Variants in FZD4 observed in about 807,000 individuals in gnomAD.
FZD4 encodes frizzled-4.
A neutral mutation model predicts 37.3 loss-of-function variants in FZD4; 16 were observed. The observed-to-expected ratio is 0.43, with a 90% CI of 0.29 to 0.65. The LOEUF (loss-of-function observed/expected upper bound fraction) is 0.65. Among genes scored for constraint, FZD4 ranks in the 30% least tolerant of loss-of-function variants. FZD4 has a pLI of 0.16. For missense variants in FZD4, 599 were observed against 674.3 expected (o/e 0.89, Z 1.24); for synonymous variants, 246 against 254.8 (o/e 0.97, Z 0.33).
rs1949284049 is a variant in FZD4 at position 86,950,830 on chromosome 11, G to A, written c.*312C>T. On this transcript the variant is annotated 3_prime_UTR_variant, in exon 2 of 2. Transcript: ENST00000531380. Reference sequence around the variant, plus strand: ...TGCAGGGGAAAACAGTATCGCCCTGGACTTCCTGGAATCTAGGCAGGACCT... The same window carrying A: ...TGCAGGGGAAAACAGTATCGCCCTGAACTTCCTGGAATCTAGGCAGGACCT... The A allele has an allele frequency of 4.5e-6, 2 of 440,416 alleles. No homozygotes were observed. Among genetic ancestry groups the A allele is most frequent in the East Asian group, 4.7e-5 (1 of 21,476 alleles). 27.3% of individuals were successfully genotyped at this position (440,416 alleles called of 1,614,324 possible). A position where few individuals can be genotyped will look rare whatever the true frequency, so the allele number is the denominator to read the frequency against.
rs920670091 is a variant in FZD4 at position 86,950,197 on chromosome 11, G to A, written c.*945C>T. 2.0e-5 allele frequency: 3 copies of A among 152,602 alleles called. No individual in the cohort carries two copies. The highest frequency in any genetic ancestry group is 2.9e-5 in the Non-Finnish European group (2 of 68,048). The allele number at this position is 152,602 out of a possible 1,614,324, so 9.5% of individuals were successfully genotyped here. ...TTTCAGCTCTTCCAGACTGGCGTCT[G>A]CATAGATGCAATCACACAAGTAAAA... On this transcript the variant is annotated 3_prime_UTR_variant, in exon 2 of 2. Coordinates refer to ENST00000531380, the MANE Select transcript of FZD4 (RefSeq NM_012193.4).
chr11:86,952,498 C>T, intron 1 of FZD4, 28 bp from the exon 2 acceptor site: 1 of 1,603,332 alleles, frequency 6.2e-7, no homozygotes, highest in Admixed American at 1.7e-5. Flanking sequence ...TGAACACACA[C>T]AAAAAAAACA....
In FZD4 at chr11:86,955,178, C is replaced by T. The variant is rs1949326403; in HGVS notation, c.-93G>A. 3 of 1,031,784 alleles carry T rather than the reference C, an allele frequency of 2.9e-6. No homozygotes were observed. The Admixed American group carries it at 1.1e-4, about 39-fold the overall frequency. 63.9% of individuals were successfully genotyped at this position (1,031,784 alleles called of 1,614,324 possible). ...GGGCGCCGGCTGCCCGCGCTGCTCC[C>T]AGCTCCCGGGACGGGAGTGTGATGC... On this transcript the variant is annotated 5_prime_UTR_variant, in exon 1 of 2. Transcript: ENST00000531380.
intron 1 of FZD4, among the ~76,000 whole-genome samples, chr11:86,953,108 A>T (rs1173694039): frequency 6.6e-6 from 1 of 152,210 alleles, no homozygotes; most frequent in Non-Finnish European, 1.5e-5. Context: ...CAATAGGAAA[A>T]TGTAAATGTT....
rs746470330 is a variant in FZD4, at chr11:86,951,499, A to G, written c.1257T>C (p.Asn419=). 2.5e-6 allele frequency: 4 copies of G among 1,614,160 alleles called. No individual in the cohort carries two copies. In the South Asian group the frequency reaches 4.4e-5, roughly 18 times the overall value. ...GLVALFKIRS[N]LQKDGTKTDK... is the part of the protein sequence containing the mutation. The stretch of plus-strand genomic sequence containing the variant: ...CTGTCTTTGTCCCATCCTTTTGAAG[A>G]TTTGACCGAATTTTGAACAAGGCCA... Residue 419 remains asparagine, a synonymous_variant, in exon 2 of 2, where the codon AAT becomes AAC. Transcript: ENST00000531380.
At position 86,951,101 on chromosome 11, in the gene FZD4, T is replaced by TC. The variant is rs1380145975; in HGVS notation, c.*40dup. On this transcript the variant is annotated 3_prime_UTR_variant, in exon 2 of 2. Coordinates refer to ENST00000531380, the MANE Select transcript of FZD4 (RefSeq NM_012193.4). ...AGAATTTCCTCCAAAATGCTGGCAT[T>TC]CCCCCCTTCAAAATGAAGAAAGCAT... The TC allele has an allele frequency of 1.2e-6, 2 of 1,602,562 alleles. No homozygotes were observed. Among genetic ancestry groups the TC allele is most frequent in the Non-Finnish European group, 1.7e-6 (2 of 1,169,566 alleles).
Position 86,946,001 on chromosome 11 carries a change from C to T in FZD4, c.*5141G>A, listed in dbSNP as rs1322470409. 2.0e-5 allele frequency: 3 copies of T among 152,574 alleles called. No individual in the cohort carries two copies. The highest frequency in any genetic ancestry group is 2.1e-4 in the South Asian group (1 of 4,826). The allele number at this position is 152,574 out of a possible 1,614,324, so 9.5% of individuals were successfully genotyped here. ...CTGCTGCACAGAGCAGGGGAAGTCA[C>T]ATTTTATCTTTTTTTCAGATTACAT... On this transcript the variant is annotated 3_prime_UTR_variant, in exon 2 of 2. Transcript: ENST00000531380.
rs1257678365 is a variant in FZD4 at position 86,954,728 on chromosome 11, T to C, written c.285+73A>G. Reference sequence around the variant, plus strand: ...TCGGGCTAGGATGATCAACTTGGCATGGGCTCTGCAAAGTTAGTTTGGAGC... The same window carrying C: ...TCGGGCTAGGATGATCAACTTGGCACGGGCTCTGCAAAGTTAGTTTGGAGC... On this transcript the variant is annotated intron_variant, in intron 1 of 1. Coordinates refer to ENST00000531380, the MANE Select transcript of FZD4 (RefSeq NM_012193.4). 5.9e-6 allele frequency: 9 copies of C among 1,517,882 alleles called. No homozygotes were observed. The East Asian group carries it at 1.2e-4, about 21-fold the overall frequency. 94.0% of individuals were successfully genotyped at this position (1,517,882 alleles called of 1,614,324 possible).
intron 1 of FZD4, chr11:86,954,258 T>C: frequency 1.0e-6 from 1 of 985,074 alleles, no homozygotes; most frequent in South Asian, 4.7e-5. Flanking sequence ...TGCCTTCAAC[T>C]GTGAGGATAA....
rs201457319 is a variant in FZD4 at position 86,951,374 on chromosome 11, T to C, written c.1382A>G (p.Asn461Ser). The C allele has an allele frequency of 4.8e-5, 77 of 1,613,844 alleles. No individual in the cohort carries two copies. Among genetic ancestry groups the C allele is most frequent in the Non-Finnish European group, 3.1e-5 (37 of 1,179,862 alleles). ...VIACYFYEISNWALFRYSADD... is the reference protein window; with the variant it reads ...VIACYFYEISSWALFRYSADD... ...TGCAGAATACCGAAAAAGTGCCCAG[T>C]TGGAGATTTCATAAAAATAACAGGC... The change falls in exon 2 of 2, where the codon AAC (asparagine) becomes AGC (serine). Residue 461 changes from asparagine to serine, a missense_variant. By Grantham distance (46) the Asn-to-Ser change is conservative. This residue lies in a region of FZD4 where 203 missense variants were observed against 196.8 expected (regional missense o/e 1.03). Transcript: ENST00000531380.
rs1391934477 is a variant in FZD4 at position 86,952,000 on chromosome 11, C to T, written c.756G>A (p.Glu252=). ...ACATACTGAGAAATATGATGGGGCG[C>T]TCAGGGTAGGAAAACCTAGAAGAAT... The part of the protein sequence containing the change: ...LIDSSRFSYP[E]RPIIFLSMCY... The change falls in exon 2 of 2, where the codon GAG becomes GAA. Residue 252 remains glutamate (E), a synonymous_variant. Coordinates refer to ENST00000531380, the MANE Select transcript of FZD4 (RefSeq NM_012193.4). The T allele has an allele frequency of 1.9e-6, 3 of 1,613,910 alleles. No individual in the cohort carries two copies. The highest frequency in any genetic ancestry group is 4.5e-5 in the East Asian group (2 of 44,900).
intron 1 of FZD4, chr11:86,954,340 G>C (rs935133579): frequency 1.0e-6 from 1 of 985,204 alleles, no homozygotes; most frequent in Non-Finnish European, 1.2e-6. Flanking sequence ...TCGTGAGAAG[G>C]GGCTATTCAG....
chr11:86,952,561 A>T (rs1590944138), intron 1 of FZD4, 91 bp from the exon 2 acceptor site: 1 of 1,399,730 alleles, frequency 7.1e-7, no homozygotes, highest in Non-Finnish European at 1.0e-6. Context: ...GAATGCTTCC[A>T]GGCAATCTAG....
chr11:86,951,198 C>T lies in FZD4; in HGVS notation c.1558G>A (p.Glu520Lys), dbSNP rs1949287796. 8 of 1,614,004 alleles carry T rather than the reference C, an allele frequency of 5.0e-6. No homozygotes were observed. In the South Asian group the frequency reaches 7.7e-5, roughly 16 times the overall value. Residue 520 changes from glutamate to lysine, a missense_variant, in exon 2 of 2, where the codon GAG (glutamate) becomes AAG (lysine). This residue lies in a region of FZD4 where 203 missense variants were observed against 196.8 expected (regional missense o/e 1.03). Coordinates refer to ENST00000531380, the MANE Select transcript of FZD4 (RefSeq NM_012193.4). ...TTCACCCAACCATTTCCTCTCTTCT[C>T]TCTCTTTACCTTTCCAGAATTCACC... ...RLVNSGKVKR[E>K]KRGNGWVKPG...
chr11:86,950,868 C>T lies in FZD4; in HGVS notation c.*274G>A. On this transcript the variant is annotated 3_prime_UTR_variant, in exon 2 of 2. Coordinates refer to ENST00000531380, the MANE Select transcript of FZD4 (RefSeq NM_012193.4). ...CTAGGCAGGACCTCCACGCTCCAAG[C>T]TGCAACCTGCTAAAGTGATCAACGT... The T allele has an allele frequency of 2.0e-6, 1 of 510,204 alleles. No homozygotes were observed. The highest frequency in any genetic ancestry group is 3.5e-6 in the Non-Finnish European group (1 of 281,744). The allele number at this position is 510,204 out of a possible 1,614,324, so 31.6% of individuals were successfully genotyped here.
At position 86,949,430 on chromosome 11, in the gene FZD4, A is replaced by AT. The variant is rs1949271352; in HGVS notation, c.*1711_*1712insA. On this transcript the variant is annotated 3_prime_UTR_variant, in exon 2 of 2. Transcript: ENST00000531380. Reference sequence around the variant, plus strand: ...TGAAAAAAAAAAAAAGAAAAAAAAAAGCTTCCCTTCCTATTTTTTTAAGGC... The same window carrying AT: ...TGAAAAAAAAAAAAAGAAAAAAAAAATGCTTCCCTTCCTATTTTTTTAAGGC... The AT allele has an allele frequency of 1.3e-5, 2 of 152,026 alleles. No individual in the cohort carries two copies. The highest frequency in any genetic ancestry group is 2.1e-4 in the South Asian group (1 of 4,826). 9.4% of individuals were successfully genotyped at this position (152,026 alleles called of 1,614,324 possible).
Position 86,955,269 on chromosome 11 carries a change from C to G in FZD4, c.-184G>C, listed in dbSNP as rs1949327138. ...GCGACTGTGTGGGATTTTAGACGTC[C>G]CGGGCCGAGGCCGAGGGACAGGCTG... On this transcript the variant is annotated 5_prime_UTR_variant, in exon 1 of 2. Coordinates refer to ENST00000531380, the MANE Select transcript of FZD4 (RefSeq NM_012193.4). 1 of 490,954 alleles carries G rather than the reference C, an allele frequency of 2.0e-6. No individual in the cohort carries two copies. The highest frequency in any genetic ancestry group is 3.5e-6 in the Non-Finnish European group (1 of 287,274). 30.4% of individuals were successfully genotyped at this position (490,954 alleles called of 1,614,324 possible).
Position 86,946,107 on chromosome 11 carries a change from T to G in FZD4, c.*5035A>C, listed in dbSNP as rs1949240237. 6.6e-6 allele frequency: 1 copy of G among 152,398 alleles called. No homozygotes were observed. The highest frequency in any genetic ancestry group is 1.5e-5 in the Non-Finnish European group (1 of 68,026). The allele number at this position is 152,398 out of a possible 1,614,324, so 9.4% of individuals were successfully genotyped here. A position where few individuals can be genotyped will look rare whatever the true frequency, so the allele number is the denominator to read the frequency against. ...CTTTTCAAGCCTCACAACATCCCTG[T>G]GAGGTAGACAAAATTCAGAAACACC... On this transcript the variant is annotated 3_prime_UTR_variant, in exon 2 of 2. Coordinates refer to ENST00000531380, the MANE Select transcript of FZD4 (RefSeq NM_012193.4).
At position 86,951,779 on chromosome 11, in the gene FZD4, G is replaced by C; in HGVS notation, c.977C>G (p.Thr326Ser). 6.2e-7 allele frequency: 1 copy of C among 1,614,096 alleles called. No individual in the cohort carries two copies. The highest frequency in any genetic ancestry group is 8.5e-7 in the Non-Finnish European group (1 of 1,179,998). ...TTTGAGTCCTGCTGCCAAAAACCAA[G>C]TGAGTGTCAGAATAACCCACCAAAT... ...SSIWWVILTL[T>S]WFLAAGLKWG... The change falls in exon 2 of 2, where the codon ACT becomes AGT. Residue 326 changes from threonine (T) to serine (S), a missense_variant. This residue lies in a region of FZD4 where 39 missense variants were observed against 81.4 expected (regional missense o/e 0.48). Coordinates refer to ENST00000531380, the MANE Select transcript of FZD4 (RefSeq NM_012193.4).
Sources: allele counts gnomAD v4.1 joint callset (sites outside exome capture counted in the v4.1 genomes callset), GRCh38; gene constraint gnomAD v4.1.1; regional missense constraint gnomAD v4.1.1; transcripts MANE v1.5; gene names NCBI Gene and HGNC (gene_info 2026-07-23, HGNC 2026-07-21).